Variants in TRMT44 observed in about 807,000 individuals in gnomAD.
The protein encoded by TRMT44 is probable tRNA (uracil-O(2)-)-methyltransferase.
A neutral mutation model predicts 77.3 loss-of-function variants in TRMT44; 78 were observed. The ratio of observed to expected loss-of-function variants is 1.01; its 90% confidence interval spans 0.84 to 1.22. TRMT44 has a LOEUF of 1.22. TRMT44 is among the 50% of genes most tolerant of loss of function. The pLI is 0.00. For missense variants in TRMT44, 1,090 were observed against 964.4 expected (o/e 1.13, Z -1.73); for synonymous variants, 391 against 383.3 (o/e 1.02, Z -0.23).
the TRMT44 span, among the ~76,000 whole-genome samples, chr4:8,503,914 C>T: frequency 2.6e-5 from 4 of 152,238 alleles, no homozygotes; most frequent in Non-Finnish European, 5.9e-5. Context: ...CTCACACGCA[C>T]CTCGGTGCCA....
chr4:8,486,890 CGGCG>C (rs1406797068), intron 2 of TRMT44, among the ~76,000 whole-genome samples: 6 of 150,670 alleles, frequency 4.0e-5, no homozygotes, highest in African/African-American at 1.5e-4. Flanking sequence ...TAGCTCAGCC[CGGCG>C]AGGAGCAGCC....
At chr4:8,454,628 C>A in intron 5 of TRMT44, 114 bp from the exon 6 acceptor site, 1 of 947,448 alleles carries the variant, frequency 1.1e-6, no homozygotes, top group Non-Finnish European at 1.6e-6. Context: ...TGGCAGGAAG[C>A]TCTTCTCTTG....
chr4:8,513,737 C>T, the TRMT44 span, among the ~76,000 whole-genome samples: 1 of 152,134 alleles, frequency 6.6e-6, no homozygotes, highest in African/African-American at 2.4e-5. Context: ...TAAAAAGACA[C>T]ATCACAAAAG....
chr4:8,465,463 A>T lies in TRMT44; in HGVS notation c.1396A>T (p.Thr466Ser). The T allele has an allele frequency of 6.2e-7, 1 of 1,614,066 alleles. No individual in the cohort carries two copies. The highest frequency in any genetic ancestry group is 8.5e-7 in the Non-Finnish European group (1 of 1,179,994). Residue 466 changes from threonine (T) to serine (S), a missense_variant, in exon 8 of 11, where the codon ACT becomes TCT. Physicochemically the swap from Thr to Ser is moderately conservative, Grantham distance 58. Coordinates refer to ENST00000389737, the MANE Select transcript of TRMT44 (RefSeq NM_152544.3). ...GRYSRRQSKK[T>S]QYREYLDFIK... is the part of the protein sequence containing the mutation. ...ATACTCCCGGAGGCAGAGTAAGAAG[A>T]CTCAGTACCGGGAATACCTTGACTT...
At chr4:8,488,907 G>T (rs144999054) in intron 2 of TRMT44, among the ~76,000 whole-genome samples, 1 of 152,202 alleles carries the variant, frequency 6.6e-6, no homozygotes, top group Non-Finnish European at 1.5e-5. Context: ...GAACCACTGC[G>T]ACGAAGGGAG....
the TRMT44 span, chr4:8,509,938 A>G: frequency 1.3e-5 from 2 of 152,246 alleles, no homozygotes; most frequent in Non-Finnish European, 2.9e-5. Context: ...TGTGGCACCC[A>G]AGGGGGTGGC....
intron 6 of TRMT44, among the ~76,000 whole-genome samples, chr4:8,457,726 C>A: frequency 6.6e-6 from 1 of 152,162 alleles, no homozygotes; most frequent in East Asian, 1.9e-4. Flanking sequence ...AAATAGTGTC[C>A]AGATGTTGGC....
chr4:8,496,581 T>G (rs930602875), downstream of TRMT44, among the ~76,000 whole-genome samples: 1 of 152,148 alleles, frequency 6.6e-6, no homozygotes, highest in African/African-American at 2.4e-5. Flanking sequence ...CAGAGGCAGC[T>G]CCTCTAAATG....
downstream of TRMT44, among the ~76,000 whole-genome samples, chr4:8,479,867 T>C (rs927993229): frequency 2.6e-5 from 4 of 152,186 alleles, no homozygotes; most frequent in Non-Finnish European, 4.4e-5. Flanking sequence ...TGTACAAAAA[T>C]ATTTTTCCTT....
chr4:8,472,942 A>G (rs1295199909), intron 10 of TRMT44, among the ~76,000 whole-genome samples: 1 of 152,100 alleles, frequency 6.6e-6, no homozygotes, highest in Non-Finnish European at 1.5e-5. Flanking sequence ...TTCACCCATG[A>G]TGAGTCTGCT....
intron 10 of TRMT44, among the ~76,000 whole-genome samples, chr4:8,474,171 G>A (rs986759612): frequency 3.3e-5 from 5 of 152,226 alleles, no homozygotes; most frequent in African/African-American, 1.2e-4. Flanking sequence ...ACAGGTCAGG[G>A]CATCAGGCCA....
rs1725678940 is a variant in TRMT44, at chr4:8,454,653, G to A, written c.1132-89G>A. 2.4e-6 allele frequency: 3 copies of A among 1,264,126 alleles called. No individual in the cohort carries two copies. In the East Asian group the frequency reaches 6.9e-5, roughly 29 times the overall value. 78.3% of individuals were successfully genotyped at this position (1,264,126 alleles called of 1,614,324 possible). ...CTCTTCTCTTGCCCTTCGTCCTGCT[G>A]GCAGTGCCTGCAGAACTTTAATGTG... On this transcript the variant is annotated intron_variant, in intron 5 of 10. Coordinates refer to ENST00000389737, the MANE Select transcript of TRMT44 (RefSeq NM_152544.3).
Position 8,468,103 on chromosome 4 carries a change from G to C in TRMT44, c.1684G>C (p.Ala562Pro). The change falls in exon 9 of 11, where the codon GCC becomes CCC. Residue 562 changes from alanine to proline, a missense_variant. Transcript: ENST00000389737. ...GHCDGQQALD[A>P]RVGCVTRAWA... Reference sequence around the variant, plus strand: ...CTGTGACGGTCAGCAAGCTCTGGACGCCAGGGTCGGGTGTGTAACCAGGGC... The same window carrying C: ...CTGTGACGGTCAGCAAGCTCTGGACCCCAGGGTCGGGTGTGTAACCAGGGC... 1 of 1,613,914 alleles carries C rather than the reference G, an allele frequency of 6.2e-7. No individual in the cohort carries two copies. The highest frequency in any genetic ancestry group is 1.1e-5 in the South Asian group (1 of 91,080).
chr4:8,515,580 T>A, the TRMT44 span, among the ~76,000 whole-genome samples: 1 of 151,668 alleles, frequency 6.6e-6, no homozygotes, highest in South Asian at 2.1e-4. Flanking sequence ...CCAACCCGAG[T>A]CGGGTGAGTC....
At chr4:8,497,527 C>G (rs1728183075), downstream of TRMT44, among the ~76,000 whole-genome samples, 1 of 152,186 alleles carries the variant, frequency 6.6e-6, no homozygotes, top group Admixed American at 6.5e-5. Flanking sequence ...CGCCTGTAGT[C>G]CCAGCTACTC....
intron 9 of TRMT44, 172 bp from the exon 10 acceptor site, chr4:8,470,912 C>G: frequency 1.8e-6 from 1 of 553,392 alleles, no homozygotes; most frequent in South Asian, 2.5e-5. Context: ...CGCCACGGCC[C>G]TCACGGTTTG....
At position 8,464,027 on chromosome 4, in the gene TRMT44, G is replaced by A. The variant is rs756204105; in HGVS notation, c.1246G>A (p.Val416Ile). 4 of 1,614,116 alleles carry A rather than the reference G, an allele frequency of 2.5e-6. No homozygotes were observed. Among genetic ancestry groups the A allele is most frequent in the East Asian group, 2.2e-5 (1 of 44,882 alleles). ...CAATGATAAGACCCTTTTCCCTGAT[G>A]TTGATTGGTTAATCGGTAACCATTC... is the stretch of plus-strand genomic sequence containing the variant. ...TPNDKTLFPD[V>I]DWLIGNHSDE... The change falls in exon 7 of 11, where the codon GTT becomes ATT. Residue 416 changes from valine (V) to isoleucine (I), a missense_variant. Val to Ile is a conservative substitution (Grantham distance 29). Coordinates refer to ENST00000389737, the MANE Select transcript of TRMT44 (RefSeq NM_152544.3).
intron 6 of TRMT44, among the ~76,000 whole-genome samples, chr4:8,456,133 A>G (rs886431650): frequency 2.0e-5 from 3 of 152,256 alleles, no homozygotes; most frequent in Non-Finnish European, 4.4e-5. Context: ...GTATTGAATC[A>G]TAATTGCATG....
chr4:8,464,510 G>C (rs922938134), intron 7 of TRMT44, among the ~76,000 whole-genome samples: 1 of 152,200 alleles, frequency 6.6e-6, no homozygotes, highest in Non-Finnish European at 1.5e-5. Context: ...GCCTCCGCAC[G>C]GGGAGCTGTG....
Sources: gnomAD v4.1 joint callset for allele counts (sites outside exome capture counted in the v4.1 genomes callset) on GRCh38, gnomAD v4.1.1 for gene constraint, MANE v1.5 for transcripts, NCBI Gene and HGNC (gene_info 2026-07-23, HGNC 2026-07-21) for gene names.